Variants in CHD7 observed in about 807,000 individuals in gnomAD.
CHD7 encodes the protein ATP-dependent chromatin remodeler CHD7.
In CHD7, 24 loss-of-function variants were observed where a neutral mutation model predicts 307.3. The observed-to-expected ratio is 0.08, with a 90% confidence interval of 0.06 to 0.11. The LOEUF is 0.11. CHD7 is among the 10% of genes least tolerant of loss of function. CHD7 has a pLI of 1.00. For synonymous variants in CHD7, 1,363 were observed against 1,349.9 expected (o/e 1.01, Z -0.21); for missense variants, 3,106 against 3,727.1 (o/e 0.83, Z 4.34).
chr8:60,797,644 C>T (rs867988788), intron 4 of CHD7, among the ~76,000 whole-genome samples: 4 of 152,146 alleles, frequency 2.6e-5, no homozygotes, highest in African/African-American at 9.7e-5. Flanking sequence ...TTGCTTCTTA[C>T]TGGAATGGTA....
intron 1 of CHD7, among the ~76,000 whole-genome samples, chr8:60,700,402 T>C (rs1322125071): frequency 6.6e-6 from 1 of 152,188 alleles, no homozygotes; most frequent in Non-Finnish European, 1.5e-5. Flanking sequence ...GTTGAGAGTG[T>C]GCTGACCTCA....
At chr8:60,839,005 A>G (rs1435090825) in intron 19 of CHD7, among the ~76,000 whole-genome samples, 1 of 152,252 alleles carries the variant, frequency 6.6e-6, no homozygotes, top group Admixed American at 6.5e-5. Flanking sequence ...GACTTGAGCA[A>G]ATATTGCCAC....
intron 14 of CHD7, among the ~76,000 whole-genome samples, chr8:60,829,370 C>T (rs1804396256): frequency 6.6e-6 from 1 of 152,182 alleles, no homozygotes; most frequent in Non-Finnish European, 1.5e-5. Flanking sequence ...GAGGCTGAGG[C>T]AGGCGGATCA....
chr8:60,830,393 G>A lies in CHD7; in HGVS notation c.3594G>A (p.Leu1198=). ...TCAAAGAGGATGTAGAAAAGAACTTGGCCCCCAAAGAAGAAACTATTATTG... is the reference window on the plus strand; with the variant it reads ...TCAAAGAGGATGTAGAAAAGAACTTAGCCCCCAAAGAAGAAACTATTATTG... ...RRLKEDVEKN[L]APKEETIIEV... is the part of the protein sequence containing the mutation. The change falls in exon 15 of 38, where the codon TTG becomes TTA. Residue 1198 remains leucine (L), a synonymous_variant. Transcript: ENST00000423902. 1 of 1,613,928 alleles carries A rather than the reference G, an allele frequency of 6.2e-7. No individual in the cohort carries two copies. The highest frequency in any genetic ancestry group is 8.5e-7 in the Non-Finnish European group (1 of 1,179,848).
rs1203499686 is a variant in CHD7 at position 60,726,131 on chromosome 8, A to G, written c.-174-15128A>G. On this transcript the variant is annotated intron_variant, in intron 1 of 37. Transcript: ENST00000423902. ...ACTGAAACTTCACTGAATCATTTAC[A>G]TAACATATATGTATTCGATTTATTT... Among the ~76,000 whole-genome samples, 4 of 152,370 alleles carry G rather than the reference A, an allele frequency of 2.6e-5. 1 individual carries two copies. The East Asian group carries it at 5.8e-4, about 22-fold the overall frequency.
chr8:60,721,052 G>T (rs1807877538), intron 1 of CHD7, among the ~76,000 whole-genome samples: 2 of 152,130 alleles, frequency 1.3e-5, no homozygotes, highest in South Asian at 4.1e-4. Context: ...GTGAAGTGAG[G>T]TCCCGGACCA....
At position 60,741,585 on chromosome 8, in the gene CHD7, G is replaced by T. The variant is rs1032852484; in HGVS notation, c.153G>T (p.Gln51His). 6.2e-7 allele frequency: 1 copy of T among 1,613,578 alleles called. No homozygotes were observed. Among genetic ancestry groups the T allele is most frequent in the Non-Finnish European group, 8.5e-7 (1 of 1,179,778 alleles). ...MPIDQGFASL[Q>H]PSLHHPSTNQ... is the part of the protein sequence containing the mutation. ...TAGACCAAGGCTTTGCCTCTTTACA[G>T]CCATCCCTTCATCATCCTTCAACTA... Residue 51 changes from glutamine to histidine, a missense_variant, in exon 2 of 38, where the codon CAG becomes CAT. By Grantham distance (24) the Gln-to-His change is conservative. Transcript: ENST00000423902.
Position 60,862,610 on chromosome 8 carries a change from A to C in CHD7, c.8034A>C (p.Glu2678Asp), listed in dbSNP as rs559053565. Residue 2678 changes from glutamate to aspartate, a missense_variant, in exon 37 of 38, where the codon GAA becomes GAC. Glu to Asp is a conservative substitution (Grantham distance 45). Around this residue, in one of 10 missense-constraint regions of CHD7, gnomAD observed 59 missense variants for 106.2 expected, o/e 0.56. Coordinates refer to ENST00000423902, the MANE Select transcript of CHD7 (RefSeq NM_017780.4). Reference protein sequence around the residue: ...DLPRWLEENPEFAVAPDWTDI... With the variant: ...DLPRWLEENPDFAVAPDWTDI... ...CCAGGTGGCTGGAAGAAAATCCTGA[A>C]TTTGCAGTTGCTCCAGACTGGACTG... 6.4e-7 allele frequency: 1 copy of C among 1,574,638 alleles called. No individual in the cohort carries two copies. The highest frequency in any genetic ancestry group is 1.3e-5 in the African/African-American group (1 of 74,142).
At chr8:60,834,392 C>A (rs1804655375) in intron 15 of CHD7, among the ~76,000 whole-genome samples, 1 of 152,188 alleles carries the variant, frequency 6.6e-6, no homozygotes, top group African/African-American at 2.4e-5. Context: ...ATGTATTGTA[C>A]AACAAGAATA....
At chr8:60,718,695 A>T (rs1448036083) in intron 1 of CHD7, among the ~76,000 whole-genome samples, 1 of 152,188 alleles carries the variant, frequency 6.6e-6, no homozygotes, top group Non-Finnish European at 1.5e-5. Flanking sequence ...AGAAAAATTA[A>T]TTTTCATAAA....
intron 24 of CHD7, 29 bp downstream of exon 24, chr8:60,848,633 C>A (rs754017331): frequency 5.9e-6 from 9 of 1,537,716 alleles, no homozygotes; most frequent in Non-Finnish European, 8.1e-6. Flanking sequence ...TTGTTCTCAA[C>A]CTCAGTGAGA....
At chr8:60,783,521 T>C (rs1369123202) in intron 3 of CHD7, among the ~76,000 whole-genome samples, 1 of 152,350 alleles carries the variant, frequency 6.6e-6, no homozygotes, top group Non-Finnish European at 1.5e-5. Context: ...AATCTGAGTG[T>C]TGGCTTTGCA....
chr8:60,760,257 T>A (rs1015909250), intron 2 of CHD7, among the ~76,000 whole-genome samples: 2 of 152,056 alleles, frequency 1.3e-5, no homozygotes, highest in Non-Finnish European at 1.5e-5. Flanking sequence ...ATTCCCTATT[T>A]AATAAATGGT....
intron 2 of CHD7, among the ~76,000 whole-genome samples, chr8:60,780,053 T>C (rs1811135456): frequency 6.6e-6 from 1 of 152,204 alleles, no homozygotes; most frequent in Non-Finnish European, 1.5e-5. Context: ...TTTAATATTT[T>C]CAAGTATTTT....
At chr8:60,683,193 C>T (rs1288844666) in intron 1 of CHD7, among the ~76,000 whole-genome samples, 1 of 152,122 alleles carries the variant, frequency 6.6e-6, no homozygotes, top group Admixed American at 6.5e-5. Flanking sequence ...ACTATTTTCC[C>T]CTTTCTCTAT....
At chr8:60,713,049 C>CAA (rs373922396) in intron 1 of CHD7, among the ~76,000 whole-genome samples, 18,409 of 101,796 alleles carry the variant, frequency 0.18, 2,053 homozygotes, top group African/African-American at 0.29. Flanking sequence ...AACTCTGTCT[C>CAA]AAAAAAAAAA....
chr8:60,760,313 C>T (rs1810116088), intron 2 of CHD7, among the ~76,000 whole-genome samples: 1 of 151,184 alleles, frequency 6.6e-6, no homozygotes, highest in African/African-American at 2.4e-5. Flanking sequence ...AAACTGGATC[C>T]CTTCCTTACA....
intron 19 of CHD7, among the ~76,000 whole-genome samples, chr8:60,840,727 C>T (rs1249622881): frequency 6.6e-6 from 1 of 151,790 alleles, no homozygotes; most frequent in East Asian, 1.9e-4. Context: ...AAGCAATTCT[C>T]TTGCCTCAGC....
chr8:60,704,847 T>A (rs1262533235), intron 1 of CHD7, among the ~76,000 whole-genome samples: 1 of 152,146 alleles, frequency 6.6e-6, no homozygotes, highest in African/African-American at 2.4e-5. Context: ...GTACCCTTTC[T>A]CTTGAGCACA....
Sources: allele counts gnomAD v4.1 joint callset (sites outside exome capture counted in the v4.1 genomes callset), GRCh38; gene constraint gnomAD v4.1.1; regional missense constraint gnomAD v4.1.1; transcripts MANE v1.5; gene names NCBI Gene and HGNC (gene_info 2026-07-23, HGNC 2026-07-21).